Variants in NRCAM observed in about 807,000 individuals in gnomAD.
The protein encoded by NRCAM is NgCAM-related cell adhesion molecule.
In NRCAM, 83 loss-of-function variants were observed where a neutral mutation model predicts 156.5. That is an observed-to-expected ratio of 0.53 (90% CI 0.44 to 0.64). NRCAM has a LOEUF of 0.64. Among genes scored for constraint, NRCAM ranks in the 30% least tolerant of loss-of-function variants. NRCAM has a pLI of 0.00. For missense variants in NRCAM, 1,417 were observed against 1,597.3 expected (o/e 0.89, Z 1.92); for synonymous variants, 538 against 563.9 (o/e 0.95, Z 0.65).
At chr7:108,335,455 T>TTTTTTTTG in intron 2 of NRCAM, among the ~76,000 whole-genome samples, 1 of 145,714 alleles carries the variant, frequency 6.9e-6, no homozygotes, top group Non-Finnish European at 1.5e-5. Flanking sequence ...TTTTTTTTTT[T>TTTTTTTTG]TTTTCAGTTT....
chr7:108,227,594 G>C (rs1265366408), intron 8 of NRCAM, among the ~76,000 whole-genome samples: 4 of 152,204 alleles, frequency 2.6e-5, no homozygotes, highest in Non-Finnish European at 5.9e-5. Context: ...GAAGGATGCA[G>C]GGAGGTGGAA....
At chr7:108,293,998 C>T (rs2098395209) in intron 3 of NRCAM, among the ~76,000 whole-genome samples, 1 of 152,066 alleles carries the variant, frequency 6.6e-6, no homozygotes, top group Non-Finnish European at 1.5e-5. Context: ...ATTTCTCATA[C>T]TCTTACTAGT....
At chr7:108,170,604 G>A (rs191505710) in intron 28 of NRCAM, among the ~76,000 whole-genome samples, 7 of 152,298 alleles carry the variant, frequency 4.6e-5, no homozygotes, top group Admixed American at 4.6e-4. Flanking sequence ...CATCTCACAT[G>A]TGTTGATTGA....
At chr7:108,406,508 T>C (rs1158022019) in intron 1 of NRCAM, among the ~76,000 whole-genome samples, 1 of 152,240 alleles carries the variant, frequency 6.6e-6, no homozygotes, top group Non-Finnish European at 1.5e-5. Flanking sequence ...GAGACTCATT[T>C]CATGTCTCCT....
At chr7:108,417,382 G>C (rs917605189) in intron 1 of NRCAM, among the ~76,000 whole-genome samples, 3 of 152,144 alleles carry the variant, frequency 2.0e-5, no homozygotes, top group Non-Finnish European at 4.4e-5. Context: ...AGAAGGACAA[G>C]AGAGAGCAAG....
At chr7:108,174,265 C>A (rs1282651034) in intron 28 of NRCAM, among the ~76,000 whole-genome samples, 3 of 152,152 alleles carry the variant, frequency 2.0e-5, no homozygotes, top group African/African-American at 7.2e-5. Flanking sequence ...TTCAATAACT[C>A]CAAAATCTAT....
chr7:108,208,183 G>T (rs1004899749), intron 12 of NRCAM, among the ~76,000 whole-genome samples: 30 of 151,226 alleles, frequency 2.0e-4, no homozygotes, highest in African/African-American at 6.8e-4. Flanking sequence ...GTGGGCACCT[G>T]TAATCCCACC....
At chr7:108,433,041 A>C (rs1597854608) in intron 1 of NRCAM, among the ~76,000 whole-genome samples, 1 of 152,190 alleles carries the variant, frequency 6.6e-6, no homozygotes, top group Admixed American at 6.5e-5. Context: ...AATTTCAACC[A>C]AACGTTTCCT....
intron 32 of NRCAM, among the ~76,000 whole-genome samples, chr7:108,158,597 T>C (rs2151290621): frequency 6.6e-6 from 1 of 152,234 alleles, no homozygotes; most frequent in Non-Finnish European, 1.5e-5. Flanking sequence ...AGCCTCTTCA[T>C]CTTGCAAACA....
At chr7:108,294,641 T>G (rs551302555) in intron 3 of NRCAM, among the ~76,000 whole-genome samples, 1 of 152,322 alleles carries the variant, frequency 6.6e-6, no homozygotes, top group South Asian at 2.1e-4. Flanking sequence ...ACAGACTACT[T>G]GTGCAATGGG....
intron 2 of NRCAM, among the ~76,000 whole-genome samples, chr7:108,396,099 T>C (rs1284682359): frequency 3.3e-5 from 5 of 151,782 alleles, no homozygotes; most frequent in Non-Finnish European, 7.4e-5. Context: ...AAACCAAGGG[T>C]CTCACGTTTT....
At chr7:108,187,006 T>C (rs1289551139) in intron 20 of NRCAM, among the ~76,000 whole-genome samples, 2 of 151,880 alleles carry the variant, frequency 1.3e-5, no homozygotes, top group Non-Finnish European at 2.9e-5. Context: ...GTTTTTTTAA[T>C]ATCAGAATTT....
At chr7:108,320,750 A>G (rs1329993441) in intron 2 of NRCAM, among the ~76,000 whole-genome samples, 2 of 152,242 alleles carry the variant, frequency 1.3e-5, no homozygotes, top group Admixed American at 1.3e-4. Context: ...CACACATGCA[A>G]CATTTCTTCC....
chr7:108,263,964 AAATAT>A (rs1243073713), intron 3 of NRCAM, among the ~76,000 whole-genome samples: 7 of 152,192 alleles, frequency 4.6e-5, no homozygotes, highest in African/African-American at 7.2e-5. Flanking sequence ...ATGTATATGA[AAATAT>A]AATATGGCTT....
In NRCAM at chr7:108,257,718, A is replaced by T. The variant is rs2096738778; in HGVS notation, c.-106-17548T>A. Among the ~76,000 whole-genome samples the T allele has an allele frequency of 3.9e-5, 6 of 152,330 alleles. No homozygotes were observed. The South Asian group carries it at 1.2e-3, about 32-fold the overall frequency. ...TCAATTTCCTTAATAAGGGTTCGTGACAATTTTCAGGATTTCTTGAAATGA... is the reference window on the plus strand; with the variant it reads ...TCAATTTCCTTAATAAGGGTTCGTGTCAATTTTCAGGATTTCTTGAAATGA... On this transcript the variant is annotated intron_variant, in intron 3 of 32. Coordinates refer to ENST00000379028, the MANE Select transcript of NRCAM (RefSeq NM_001037132.4).
rs61489479 is a variant in NRCAM at position 108,200,737 on chromosome 7, TACACACACACACACACAC to T, written c.1208-2656_1208-2639del. Reference sequence around the variant, plus strand: ...ATCAATCAATGAGTGGATAAAGAAATACACACACACACACACACACACACACACACACACACACACACA... The same window carrying T: ...ATCAATCAATGAGTGGATAAAGAAATACACACACACACACACACACACACA... On this transcript the variant is annotated intron_variant, in intron 13 of 32. Transcript: ENST00000379028. Among the ~76,000 whole-genome samples the T allele has an allele frequency of 7.0e-4, 94 of 135,070 alleles. 1 individual carries two copies. Among genetic ancestry groups the T allele is most frequent in the African/African-American group, 9.3e-4 (34 of 36,716 alleles). 88.6% of individuals were successfully genotyped at this position (135,070 alleles called of 152,430 possible).
At chr7:108,262,321 G>A (rs982118064) in intron 3 of NRCAM, among the ~76,000 whole-genome samples, 1 of 151,440 alleles carries the variant, frequency 6.6e-6, no homozygotes, top group Non-Finnish European at 1.5e-5. Flanking sequence ...ACAGTGATGT[G>A]GTGTGTGTGT....
Position 108,176,442 on chromosome 7 carries a change from T to G in NRCAM, c.3139A>C (p.Thr1047Pro). ...GSQITEEAVT[T>P]VDEAGILPPD... is the part of the protein sequence containing the mutation. ...ATACCCATCTTACCTTCATCCACAG[T>G]TGTTACTGCTTCCTCTGTAATTTGA... is the stretch of plus-strand genomic sequence containing the variant. The change falls in exon 27 of 33, where the codon ACT (threonine) becomes CCT (proline). Residue 1047 changes from threonine (T) to proline (P), a missense_variant. Around this residue, in one of 2 missense-constraint regions of NRCAM, gnomAD observed 1,238 missense variants for 1,336.4 expected, o/e 0.93. Transcript: ENST00000379028. 6.2e-7 allele frequency: 1 copy of G among 1,613,126 alleles called. No homozygotes were observed. The highest frequency in any genetic ancestry group is 8.5e-7 in the Non-Finnish European group (1 of 1,179,588).
chr7:108,168,342 T>C lies in NRCAM; in HGVS notation c.3248A>G (p.Asn1083Ser), dbSNP rs754901669. The C allele has an allele frequency of 3.3e-5, 53 of 1,610,416 alleles. No homozygotes were observed. The highest frequency in any genetic ancestry group is 3.0e-4 in the South Asian group (27 of 90,238). ...LTAAAAETYANISWEYEGPEH... is the reference protein window; with the variant it reads ...LTAAAAETYASISWEYEGPEH... ...TGGTCCCTCATATTCCCAACTGATA[T>C]TGGCATAGGTCTCAGCAGCTGCAGC... is the stretch of plus-strand genomic sequence containing the variant. Residue 1083 changes from asparagine to serine, a missense_variant, in exon 29 of 33, where the codon AAT (asparagine) becomes AGT (serine). Around this residue, in one of 2 missense-constraint regions of NRCAM, gnomAD observed 1,238 missense variants for 1,336.4 expected, o/e 0.93. Transcript: ENST00000379028.
Sources: gnomAD v4.1 joint callset for allele counts (sites outside exome capture counted in the v4.1 genomes callset) on GRCh38, gnomAD v4.1.1 for gene constraint, gnomAD v4.1.1 regional missense constraint, MANE v1.5 for transcripts, NCBI Gene and HGNC (gene_info 2026-07-23, HGNC 2026-07-21) for gene names.